AKIRIN2: variants seen among roughly 807,000 people sequenced by gnomAD.
The protein encoded by AKIRIN2 is akirin-2.
In AKIRIN2, 6 loss-of-function variants were observed where a neutral mutation model predicts 29.3. The observed-to-expected ratio is 0.20, with a 90% CI of 0.11 to 0.40. The LOEUF (loss-of-function observed/expected upper bound fraction) is 0.40, where lower values mean the gene tolerates loss of function less well. Ranked by LOEUF, AKIRIN2 falls within the 10% of genes least tolerant of loss-of-function variation. AKIRIN2 has a pLI of 1.00. For missense variants in AKIRIN2, 210 were observed against 276.1 expected, an observed-to-expected ratio of 0.76 and a Z score of 1.70; for synonymous variants, 128 against 117.5, an observed-to-expected ratio of 1.09 and a Z score of -0.58.
chr6:87,675,794 TATA>T (rs1770962021), intron 4 of AKIRIN2, 63 bp downstream of exon 4: 3 of 1,504,930 alleles, frequency 2.0e-6, no homozygotes, highest in Middle Eastern at 1.7e-4. Context: ...TGAAAATAAT[TATA>T]ATGTCTTCTC....
chr6:87,685,540 C>A (rs1297934368), intron 1 of AKIRIN2, among the ~76,000 whole-genome samples: 1 of 152,180 alleles, frequency 6.6e-6, no homozygotes, highest in Non-Finnish European at 1.5e-5. Flanking sequence ...ACACAATTTA[C>A]AGTTCATTAA....
intron 3 of AKIRIN2, among the ~76,000 whole-genome samples, chr6:87,676,948 G>A (rs1401553829): frequency 6.6e-5 from 10 of 150,796 alleles, no homozygotes; most frequent in Admixed American, 6.6e-4. Flanking sequence ...ATGGTGGTAG[G>A]TGCCTGTAGT....
Position 87,675,456 on chromosome 6 carries a change from C to T in AKIRIN2, c.*141G>A. On this transcript the variant is annotated 3_prime_UTR_variant, in exon 5 of 5. Coordinates refer to ENST00000257787, the MANE Select transcript of AKIRIN2 (RefSeq NM_018064.4). ...AATTTCCAAAACCAGTTGCTGCTGC[C>T]TAAGAGTGGTTGCCACTGACGAAAG... 1 of 1,197,934 alleles carries T rather than the reference C, an allele frequency of 8.3e-7. No homozygotes were observed. The highest frequency in any genetic ancestry group is 1.2e-6 in the Non-Finnish European group (1 of 824,548). 74.2% of individuals were successfully genotyped at this position (1,197,934 alleles called of 1,614,324 possible).
At chr6:87,700,240 G>A (rs183353039) in intron 1 of AKIRIN2, among the ~76,000 whole-genome samples, 7 of 143,602 alleles carry the variant, frequency 4.9e-5, no homozygotes, top group African/African-American at 1.6e-4. Context: ...GTCACTCCAT[G>A]GATTTAGAAA....
rs766028946 is a variant in AKIRIN2 at position 87,701,776 on chromosome 6, G to C, written c.-92C>G. ...GGGAAGGGGTGAAGAGCGGGAACTC[G>C]AGGAGAGCCTACCCGACGGGCTCAG... On this transcript the variant is annotated 5_prime_UTR_variant, in exon 1 of 5. Coordinates refer to ENST00000257787, the MANE Select transcript of AKIRIN2 (RefSeq NM_018064.4). 111 of 947,550 alleles carry C rather than the reference G, an allele frequency of 1.2e-4. No homozygotes were observed. Among genetic ancestry groups the C allele is most frequent in the Non-Finnish European group, 1.6e-4 (109 of 691,522 alleles). 58.7% of individuals were successfully genotyped at this position (947,550 alleles called of 1,614,324 possible).
chr6:87,700,878 G>A (rs1005072342), intron 1 of AKIRIN2: 2 of 154,670 alleles, frequency 1.3e-5, no homozygotes, highest in Admixed American at 1.3e-4. Flanking sequence ...CAGCCAAAGT[G>A]GCGTTCTTGT....
intron 3 of AKIRIN2, among the ~76,000 whole-genome samples, chr6:87,676,703 C>G (rs776025995): frequency 6.6e-6 from 1 of 151,350 alleles, no homozygotes; most frequent in Non-Finnish European, 1.5e-5. Context: ...TCGCTTGAGC[C>G]CGGGAGGCAG....
intron 1 of AKIRIN2, among the ~76,000 whole-genome samples, chr6:87,683,560 C>T (rs1470009449): frequency 6.6e-6 from 1 of 152,200 alleles, no homozygotes; most frequent in African/African-American, 2.4e-5. Flanking sequence ...CCCAATAAAA[C>T]TAATGTAACA....
At chr6:87,700,277 A>AC (rs1401421007) in intron 1 of AKIRIN2, among the ~76,000 whole-genome samples, 1 of 142,448 alleles carries the variant, frequency 7.0e-6, no homozygotes, top group Non-Finnish European at 1.6e-5. Flanking sequence ...CAAAAAAAAA[A>AC]AAACACTAAA....
At chr6:87,687,475 T>C (rs1771207819) in intron 1 of AKIRIN2, among the ~76,000 whole-genome samples, 1 of 148,872 alleles carries the variant, frequency 6.7e-6, no homozygotes, top group Non-Finnish European at 1.5e-5. Context: ...TTGGAGTTGC[T>C]ATGGAGACCC....
At position 87,681,766 on chromosome 6, in the gene AKIRIN2, A is replaced by G; in HGVS notation, c.236-3T>C. On this transcript the variant is annotated splice_region_variant and splice_polypyrimidine_tract_variant and intron_variant, in intron 1 of 4. Coordinates refer to ENST00000257787, the MANE Select transcript of AKIRIN2 (RefSeq NM_018064.4). ...TTTTATGTTGTACAGAATTTGTTCT[A>G]AAATAAAAAAGTTAAAATTTGGCAA... 6.4e-7 allele frequency: 1 copy of G among 1,564,432 alleles called. No homozygotes were observed. The highest frequency in any genetic ancestry group is 8.6e-7 in the Non-Finnish European group (1 of 1,160,548).
chr6:87,701,291 G>A (rs931092769), intron 1 of AKIRIN2, among the ~76,000 whole-genome samples, 159 bp downstream of exon 1: 1 of 151,946 alleles, frequency 6.6e-6, no homozygotes, highest in African/African-American at 2.4e-5. Context: ...AGGTCCTCGG[G>A]CTACGAGGAC....
chr6:87,680,147 TAC>T (rs1024700008), intron 2 of AKIRIN2, among the ~76,000 whole-genome samples: 7 of 152,234 alleles, frequency 4.6e-5, no homozygotes, highest in African/African-American at 1.7e-4. Context: ...TTCCTGCTAA[TAC>T]AGTCTAGTGC....
In AKIRIN2 at chr6:87,701,896, G is replaced by A. The variant is rs1056347204; in HGVS notation, c.-212C>T. 2.4e-6 allele frequency: 1 copy of A among 415,268 alleles called. No individual in the cohort carries two copies. Among genetic ancestry groups the A allele is most frequent in the Non-Finnish European group, 4.2e-6 (1 of 235,564 alleles). 25.7% of individuals were successfully genotyped at this position (415,268 alleles called of 1,614,324 possible). A position where few individuals can be genotyped will look rare whatever the true frequency, so the allele number is the denominator to read the frequency against. On this transcript the variant is annotated 5_prime_UTR_variant, in exon 1 of 5. Coordinates refer to ENST00000257787, the MANE Select transcript of AKIRIN2 (RefSeq NM_018064.4). ...GGCAGTGGCCAGGGACGGCCCGGGT[G>A]AGAGCGGGAGGGGCGGTGGCGGGCA... is the stretch of plus-strand genomic sequence containing the variant.
intron 1 of AKIRIN2, among the ~76,000 whole-genome samples, chr6:87,688,458 A>T (rs973976672): frequency 6.6e-6 from 1 of 152,094 alleles, no homozygotes; most frequent in East Asian, 1.9e-4. Flanking sequence ...AAATAAAAAA[A>T]AAAAATGCCA....
At chr6:87,682,273 A>C (rs1771132364) in intron 1 of AKIRIN2, among the ~76,000 whole-genome samples, 1 of 152,246 alleles carries the variant, frequency 6.6e-6, no homozygotes, top group Admixed American at 6.5e-5. Context: ...GAACTTAAAA[A>C]GTCATCATAC....
At chr6:87,680,070 T>G (rs1771092256) in intron 2 of AKIRIN2, among the ~76,000 whole-genome samples, 1 of 152,200 alleles carries the variant, frequency 6.6e-6, no homozygotes, top group Non-Finnish European at 1.5e-5. Context: ...ATTCCCAGCT[T>G]TGTTACTTAA....
intron 1 of AKIRIN2, among the ~76,000 whole-genome samples, chr6:87,698,188 A>C (rs1771401438): frequency 6.6e-6 from 1 of 152,006 alleles, no homozygotes; most frequent in Non-Finnish European, 1.5e-5. Flanking sequence ...CCCTCCCCTT[A>C]CTTCCACTGA....
chr6:87,701,102 G>T (rs1049641528), intron 1 of AKIRIN2, among the ~76,000 whole-genome samples: 2 of 151,934 alleles, frequency 1.3e-5, no homozygotes, highest in Non-Finnish European at 2.9e-5. Context: ...CTAAATTTAC[G>T]AATAATATCG....
Sources: allele counts gnomAD v4.1 joint callset (sites outside exome capture counted in the v4.1 genomes callset), GRCh38; gene constraint gnomAD v4.1.1; transcripts MANE v1.5; gene names NCBI Gene and HGNC (gene_info 2026-07-23, HGNC 2026-07-21).